NR4A1: variants seen among roughly 807,000 people sequenced by gnomAD.
NR4A1 encodes nuclear receptor subfamily 4 group A member 1.
NR4A1 carries 24 observed loss-of-function variants against 47.5 expected under a neutral mutation model. The observed-to-expected ratio is 0.50, with a 90% CI of 0.37 to 0.71. NR4A1 has a LOEUF of 0.71. NR4A1 is among the 30% of genes least tolerant of loss of function. The pLI is 0.00. For missense variants in NR4A1, 669 were observed against 788.6 expected (o/e 0.85, Z 1.82); for synonymous variants, 353 against 345.7 (o/e 1.02, Z -0.24).
At chr12:52,044,199 G>A (rs927437667) in intron 2 of NR4A1, among the ~76,000 whole-genome samples, 3 of 152,212 alleles carry the variant, frequency 2.0e-5, no homozygotes, top group Admixed American at 6.5e-5. Flanking sequence ...TCTCCACCCC[G>A]CCTGGATGAG....
At chr12:52,038,514 G>A in intron 1 of NR4A1, 1 of 552,550 alleles carries the variant, frequency 1.8e-6, no homozygotes, top group Non-Finnish European at 3.3e-6. Flanking sequence ...GCAGAGGTTG[G>A]TAGGTTCACA....
rs371040546 is a variant in NR4A1 at position 52,024,355 on chromosome 12, C to T, written c.-84+1416C>T. On this transcript the variant is annotated intron_variant, in intron 1 of 7. Transcript: ENST00000360284. ...ATTTTAATACAATTGTGGCCCTTCT[C>T]TACGTGCTGTTCTGTGCTGCCTTTT... Among the ~76,000 whole-genome samples, 46 of 152,342 alleles carry T rather than the reference C, an allele frequency of 3.0e-4. 1 individual carries two copies. In the South Asian group the frequency reaches 5.2e-3, roughly 17 times the overall value.
rs1354960731 is a variant in NR4A1, at chr12:52,056,135, C to T, written c.982C>T (p.Leu328=). 2 of 1,610,360 alleles carry T rather than the reference C, an allele frequency of 1.2e-6. No individual in the cohort carries two copies. The highest frequency in any genetic ancestry group is 2.2e-5 in the South Asian group (2 of 90,470). ...RCQFCRFQKC[L]AVGMVKEVVR... The stretch of plus-strand genomic sequence containing the variant: ...CCAGTTCTGCCGCTTCCAGAAGTGC[C>T]TGGCGGTGGGCATGGTGAAGGAAGG... The change falls in exon 3 of 7, where the codon CTG becomes TTG. Residue 328 remains leucine, a synonymous_variant. Coordinates refer to ENST00000394825, the MANE Select transcript of NR4A1 (RefSeq NM_173157.3).
chr12:52,040,787 C>T (rs1938404022), intron 1 of NR4A1, among the ~76,000 whole-genome samples: 1 of 152,208 alleles, frequency 6.6e-6, no homozygotes, highest in Non-Finnish European at 1.5e-5. Context: ...TCCTCCTCCT[C>T]TTTGCCCCTC....
chr12:52,041,623 T>G (rs570643074), intron 1 of NR4A1, among the ~76,000 whole-genome samples: 2 of 152,298 alleles, frequency 1.3e-5, no homozygotes, highest in African/African-American at 2.4e-5. Flanking sequence ...TGGAAGCAGA[T>G]TGCCTGGGGC....
upstream of NR4A1, among the ~76,000 whole-genome samples, chr12:52,048,888 T>C (rs139442818): frequency 4.6e-5 from 7 of 152,278 alleles, no homozygotes; most frequent in African/African-American, 1.4e-4. Flanking sequence ...AGCAAAATCT[T>C]ACGGAAAAGC....
At chr12:52,044,457 C>CAAACAAA (rs1565644949) in intron 2 of NR4A1, among the ~76,000 whole-genome samples, 1 of 152,178 alleles carries the variant, frequency 6.6e-6, no homozygotes, top group Non-Finnish European at 1.5e-5. Context: ...GCCACAAACA[C>CAAACAAA]GCTCCGGGAC....
chr12:52,057,621 G>A, intron 6 of NR4A1, 91 bp downstream of exon 6: 2 of 1,474,150 alleles, frequency 1.4e-6, no homozygotes, highest in South Asian at 2.5e-5. Flanking sequence ...GAGTTTGGTG[G>A]GCCGGGATCT....
upstream of NR4A1, among the ~76,000 whole-genome samples, chr12:52,047,527 G>A (rs1051538650): frequency 5.3e-5 from 8 of 152,256 alleles, no homozygotes; most frequent in African/African-American, 1.7e-4. Context: ...AGAATGTGGT[G>A]TGTTGAGCAC....
chr12:52,037,571 G>A lies in NR4A1; in HGVS notation c.-83-4239G>A, dbSNP rs991882125. 14 of 983,748 alleles carry A rather than the reference G, an allele frequency of 1.4e-5. No homozygotes were observed. In the East Asian group the frequency reaches 6.8e-4, roughly 48 times the overall value. 60.9% of individuals were successfully genotyped at this position (983,748 alleles called of 1,614,324 possible). On this transcript the variant is annotated intron_variant, in intron 1 of 7. Coordinates refer to the NR4A1 transcript ENST00000360284. The stretch of plus-strand genomic sequence containing the variant: ...CCGCTTGGAAACTGGGGAGTCGGGG[G>A]GGGGACTGGATTCCCAGCGGAACCG...
Position 52,028,379 on chromosome 12 carries a change from TC to T in NR4A1, c.-84+5442del, listed in dbSNP as rs1938046168. Among the ~76,000 whole-genome samples, 3 of 149,270 alleles carry T rather than the reference TC, an allele frequency of 2.0e-5. No homozygotes were observed. The South Asian group carries it at 6.4e-4, about 32-fold the overall frequency. On this transcript the variant is annotated intron_variant, in intron 1 of 7. Coordinates refer to the NR4A1 transcript ENST00000360284. ...TCATGAGGTCAAGTGATCGAGACCA[TC>T]CTGGCCAACATAGTGAAACCCCGTC... is the stretch of plus-strand genomic sequence containing the variant.
intron 1 of NR4A1, among the ~76,000 whole-genome samples, chr12:52,033,572 C>A (rs1938176410): frequency 6.6e-6 from 1 of 152,214 alleles, no homozygotes; most frequent in Admixed American, 6.5e-5. Context: ...CTGACGCCTT[C>A]CATGGCAACT....
rs572454154 is a variant in NR4A1 at position 52,029,530 on chromosome 12, A to G, written c.-84+6591A>G. Among the ~76,000 whole-genome samples the G allele has an allele frequency of 1.1e-4, 16 of 152,250 alleles. No homozygotes were observed. In the South Asian group the frequency reaches 2.7e-3, roughly 26 times the overall value. ...GAGTGAAACCCCGTCTCTACAAAAC[A>G]TACAAAAATTAGCCAGGCATGGTGG... On this transcript the variant is annotated intron_variant, in intron 1 of 7. Transcript: ENST00000360284.
intron 2 of NR4A1, chr12:52,043,456 G>A (rs1425642170): frequency 8.2e-6 from 2 of 243,866 alleles, no homozygotes; most frequent in African/African-American, 2.3e-5. Context: ...TACTGCCAAG[G>A]CCACCCTGAG....
rs546097540 is a variant in NR4A1 at position 52,040,219 on chromosome 12, AG to A, written c.-83-1585del. Among the ~76,000 whole-genome samples, 115 of 152,036 alleles carry A rather than the reference AG, an allele frequency of 7.6e-4. 1 individual carries two copies. Among genetic ancestry groups the A allele is most frequent in the Admixed American group, 1.4e-3 (22 of 15,278 alleles). ...GTAAATGCTTGTGATGTGACTATTG[AG>A]GGGGGCATTTTGATCTGGAACAAGT... is the stretch of plus-strand genomic sequence containing the variant. On this transcript the variant is annotated intron_variant, in intron 1 of 7. Coordinates refer to the NR4A1 transcript ENST00000360284.
intron 1 of NR4A1, among the ~76,000 whole-genome samples, chr12:52,031,152 C>T (rs1225965142): frequency 6.6e-6 from 1 of 152,048 alleles, no homozygotes; most frequent in African/African-American, 2.4e-5. Flanking sequence ...GTAGCTGGGA[C>T]CATAGTCCCG....
Position 52,055,463 on chromosome 12 carries a change from G to T in NR4A1, c.876+259G>T, listed in dbSNP as rs796315247. The T allele has an allele frequency of 1.0e-5, 6 of 588,562 alleles. No individual in the cohort carries two copies. In the African/African-American group the frequency reaches 1.1e-4, roughly 11 times the overall value. 36.5% of individuals were successfully genotyped at this position (588,562 alleles called of 1,614,324 possible). ...GGTGAGATAGGGGCAGATAGGAGCT[G>T]CAGGGGTGCCTGGCGAGCCTCTGGT... On this transcript the variant is annotated intron_variant, in intron 2 of 6. Coordinates refer to ENST00000394825, the MANE Select transcript of NR4A1 (RefSeq NM_173157.3).
intron 6 of NR4A1, among the ~76,000 whole-genome samples, chr12:52,057,731 G>A (rs1345544330): frequency 3.3e-5 from 5 of 152,220 alleles, no homozygotes; most frequent in South Asian, 2.1e-4. Context: ...GCTCTAAAGC[G>A]CAAGACAGCC....
Position 52,041,722 on chromosome 12 carries a change from C to A in NR4A1, c.-83-88C>A. 2.4e-6 allele frequency: 3 copies of A among 1,232,866 alleles called. No homozygotes were observed. The African/African-American group carries it at 4.6e-5, about 19-fold the overall frequency. 76.4% of individuals were successfully genotyped at this position (1,232,866 alleles called of 1,614,324 possible). The stretch of plus-strand genomic sequence containing the variant: ...TGTGGCCTAGGTCCTGCCACTGCTC[C>A]CATTCCTGCGTGTCCTGGGCATGCT... On this transcript the variant is annotated intron_variant, in intron 1 of 7. Transcript: ENST00000360284.
Sources: allele counts gnomAD v4.1 joint callset (sites outside exome capture counted in the v4.1 genomes callset), GRCh38; gene constraint gnomAD v4.1.1; transcripts MANE v1.5; gene names NCBI Gene and HGNC (gene_info 2026-07-23, HGNC 2026-07-21).